Variants in PLEKHG1 observed in about 807,000 individuals in gnomAD.
PLEKHG1 encodes pleckstrin homology and RhoGEF domain containing G1.
Under a neutral mutation model 100.8 loss-of-function variants are expected in PLEKHG1, and 44 were observed. The observed-to-expected ratio is 0.44, with a 90% CI of 0.34 to 0.56. The LOEUF (loss-of-function observed/expected upper bound fraction) is 0.56. Among genes scored for constraint, PLEKHG1 ranks in the 20% least tolerant of loss-of-function variants. PLEKHG1 has a pLI of 0.01. For missense variants in PLEKHG1, 1,545 were observed against 1,720.9 expected, an observed-to-expected ratio of 0.90 and a Z score of 1.81; for synonymous variants, 640 against 662.5, an observed-to-expected ratio of 0.97 and a Z score of 0.52.
At chr6:150,736,217 T>C (rs190746090) in intron 2 of PLEKHG1, among the ~76,000 whole-genome samples, 1 of 152,334 alleles carries the variant, frequency 6.6e-6, no homozygotes, top group Non-Finnish European at 1.5e-5. Flanking sequence ...GGCCACAGTT[T>C]GCTCACCCCT....
intron 3 of PLEKHG1, among the ~76,000 whole-genome samples, chr6:150,692,242 A>T (rs1780372676): frequency 6.6e-6 from 1 of 152,248 alleles, no homozygotes; most frequent in African/African-American, 2.4e-5. Flanking sequence ...AACCCATTTT[A>T]TAAATAATGG....
At chr6:150,633,257 A>G (rs56115385) in intron 1 of PLEKHG1, 10,613 of 152,460 alleles carry the variant, frequency 0.07, 1,254 homozygotes, top group African/African-American at 0.24. Context: ...TCCTGACGGA[A>G]GTCATGAATG....
intron 1 of PLEKHG1, among the ~76,000 whole-genome samples, chr6:150,722,538 G>C (rs6903172): frequency 0.21 from 31,637 of 151,674 alleles, 4,599 homozygotes; most frequent in African/African-American, 0.41. Flanking sequence ...ATTTTTAGTA[G>C]AGACAGGGTT....
At chr6:150,742,391 C>G (rs1203242211) in intron 2 of PLEKHG1, among the ~76,000 whole-genome samples, 1 of 152,014 alleles carries the variant, frequency 6.6e-6, no homozygotes, top group African/African-American at 2.4e-5. Flanking sequence ...ATGGTGAAAC[C>G]CTGTCTCTAC....
chr6:150,832,147 C>T lies in PLEKHG1; in HGVS notation c.3036C>T (p.Ser1012=), dbSNP rs139530808. The T allele has an allele frequency of 5.1e-4, 819 of 1,612,858 alleles. 5 individuals are homozygous for T. The African/African-American group carries it at 9.4e-3, about 19-fold the overall frequency. Residue 1012 remains serine, a synonymous_variant, in exon 15 of 16, where the codon TCC becomes TCT. Coordinates refer to ENST00000358517, the Ensembl canonical transcript of PLEKHG1. ...CGCCGGCCAGTCAGCATCAGAAATC[C>T]ATGCACAAAGACCTGGCTGCCATCT... is the stretch of plus-strand genomic sequence containing the variant.
chr6:150,629,872 A>G (rs1424865349), intron 1 of PLEKHG1, among the ~76,000 whole-genome samples: 1 of 152,208 alleles, frequency 6.6e-6, no homozygotes, highest in East Asian at 1.9e-4. Context: ...TTGAACTTTC[A>G]TACTTTGATT....
At chr6:150,775,261 C>T (rs933407893) in intron 3 of PLEKHG1, among the ~76,000 whole-genome samples, 6 of 152,120 alleles carry the variant, frequency 3.9e-5, no homozygotes, top group African/African-American at 1.4e-4. Context: ...AAAGAAAGTA[C>T]CCCTCTCTTG....
At chr6:150,733,494 A>G (rs1045029465) in intron 1 of PLEKHG1, 90 bp from the exon 3 acceptor site, 1 of 1,157,346 alleles carries the variant, frequency 8.6e-7, no homozygotes, top group Non-Finnish European at 1.2e-6. Context: ...TATTGACTGT[A>G]TTTATTTGAG....
chr6:150,626,186 A>G (rs1777502691), intron 1 of PLEKHG1: 1 of 152,198 alleles, frequency 6.6e-6, no homozygotes, highest in African/African-American at 2.4e-5. Flanking sequence ...AAAATGCATA[A>G]GATCTCCTGA....
chr6:150,706,998 C>CTTTTTTTTTTTTTTTTTTT (rs71014517), intron 3 of PLEKHG1, among the ~76,000 whole-genome samples: 1 of 51,934 alleles, frequency 1.9e-5, no homozygotes, highest in African/African-American at 7.8e-5. Context: ...TTTTCTTTTT[C>CTTTTTTTTTTTTTTTTTTT]TTTTTTTTTT....
intron 3 of PLEKHG1, among the ~76,000 whole-genome samples, chr6:150,668,021 G>T (rs541016437): frequency 6.6e-6 from 1 of 152,214 alleles, no homozygotes; most frequent in Non-Finnish European, 1.5e-5. Context: ...TAAAATACGT[G>T]CAATAGGTCT....
intron 3 of PLEKHG1, among the ~76,000 whole-genome samples, chr6:150,710,471 G>A (rs6905228): frequency 0.8 from 121,005 of 152,030 alleles, 50,084 homozygotes; most frequent in Non-Finnish European, 0.91. Flanking sequence ...CGATGAGGCA[G>A]GAACAGAGTC....
At chr6:150,824,861 G>T (rs989909090) in intron 14 of PLEKHG1, among the ~76,000 whole-genome samples, 4 of 152,122 alleles carry the variant, frequency 2.6e-5, no homozygotes, top group African/African-American at 9.7e-5. Flanking sequence ...TGATTGTCAT[G>T]GCTGAGGTGT....
Position 150,786,747 on chromosome 6 carries a change from G to A in PLEKHG1, c.582+288G>A, listed in dbSNP as rs139321423. ...CGGAGTAGAAGAATGTTAGAAAAAT[G>A]GGCCGGGCATGGTGGCTCACACCTA... On this transcript the variant is annotated intron_variant, in intron 4 of 15. Coordinates refer to ENST00000358517, the Ensembl canonical transcript of PLEKHG1. Among the ~76,000 whole-genome samples, 1,401 of 152,026 alleles carry A rather than the reference G, an allele frequency of 9.2e-3. 10 individuals are homozygous for A. The highest frequency in any genetic ancestry group is 0.016 in the South Asian group (77 of 4,812).
chr6:150,725,387 A>G (rs1781911881), intron 1 of PLEKHG1, among the ~76,000 whole-genome samples: 1 of 152,230 alleles, frequency 6.6e-6, no homozygotes, highest in South Asian at 2.1e-4. Flanking sequence ...TATAGGAATC[A>G]ATCGGTAAAT....
upstream of PLEKHG1, among the ~76,000 whole-genome samples, chr6:150,720,827 G>A (rs569470644): frequency 6.6e-6 from 1 of 152,208 alleles, no homozygotes; most frequent in Non-Finnish European, 1.5e-5. Context: ...AGCTTTGGGC[G>A]AGTGTGGGTT....
At chr6:150,818,081 T>C in intron 10 of PLEKHG1, 102 bp from the exon 12 acceptor site, 2 of 933,402 alleles carry the variant, frequency 2.1e-6, no homozygotes, top group Non-Finnish European at 3.4e-6. Flanking sequence ...TTAAACGTTT[T>C]TAAAAATCTA....
intron 3 of PLEKHG1, among the ~76,000 whole-genome samples, chr6:150,660,275 C>T (rs762840509): frequency 6.6e-6 from 1 of 152,168 alleles, no homozygotes; most frequent in South Asian, 2.1e-4. Context: ...ATTTTACTCT[C>T]CAATATGTTT....
intron 15 of PLEKHG1, among the ~76,000 whole-genome samples, chr6:150,838,553 T>C (rs746709875): frequency 3.3e-5 from 5 of 152,230 alleles, no homozygotes; most frequent in Admixed American, 1.3e-4. Context: ...CTAGGGTGGT[T>C]GTGCAGATAC....
Sources: allele counts gnomAD v4.1 joint callset (sites outside exome capture counted in the v4.1 genomes callset), GRCh38; gene constraint gnomAD v4.1.1; transcripts MANE v1.5; gene names NCBI Gene and HGNC (gene_info 2026-07-23, HGNC 2026-07-21).